CHSY1: variants seen among roughly 807,000 people sequenced by gnomAD.
CHSY1 encodes chondroitin sulfate synthase 1.
Under a neutral mutation model 59.8 loss-of-function variants are expected in CHSY1, and 13 were observed. The ratio of observed to expected loss-of-function variants is 0.22; its 90% CI spans 0.14 to 0.35. The LOEUF is 0.35. CHSY1 is among the 10% of genes least tolerant of loss of function. The pLI, the probability that CHSY1 is intolerant of heterozygous loss-of-function variation, is 1.00. For synonymous variants in CHSY1, 459 were observed against 401.2 expected (o/e 1.14, Z -1.72); for missense variants, 947 against 1,030.6 (o/e 0.92, Z 1.11).
chr15:101,216,156 G>C (rs1345332835), intron 2 of CHSY1, among the ~76,000 whole-genome samples: 5 of 141,284 alleles, frequency 3.5e-5, no homozygotes, highest in East Asian at 2.8e-4. Flanking sequence ...AAGCCATCAA[G>C]AAGGCATTAA....
chr15:101,245,729 A>T (rs112309604), intron 1 of CHSY1, among the ~76,000 whole-genome samples: 9 of 152,354 alleles, frequency 5.9e-5, no homozygotes, highest in African/African-American at 2.2e-4. Flanking sequence ...GAGCGCTTCA[A>T]GATCTTGAAC....
Position 101,177,684 on chromosome 15 carries a change from G to C in CHSY1, c.2113C>G (p.Arg705Gly). The C allele has an allele frequency of 1.9e-6, 3 of 1,614,104 alleles. No individual in the cohort carries two copies. The highest frequency in any genetic ancestry group is 2.5e-6 in the Non-Finnish European group (3 of 1,180,020). Residue 705 changes from arginine to glycine, a missense_variant, in exon 3 of 3, where the codon CGA becomes GGA. Coordinates refer to ENST00000254190, the MANE Select transcript of CHSY1 (RefSeq NM_014918.5). Reference sequence around the variant, plus strand: ...ATGGAAACATCAAAGCCACCCACTCGGACAAGATCTCCCTTATAAATACAC... The same window carrying C: ...ATGGAAACATCAAAGCCACCCACTCCGACAAGATCTCCCTTATAAATACAC... ...ITCIYKGDLV[R>G]VGGFDVSIQG... is the part of the protein sequence containing the mutation.
chr15:101,200,784 C>A (rs2038565678), intron 2 of CHSY1, among the ~76,000 whole-genome samples: 1 of 152,144 alleles, frequency 6.6e-6, no homozygotes. Flanking sequence ...TCGGGGTGGT[C>A]TTTCAATATG....
At chr15:101,185,739 A>T (rs2038352728) in intron 2 of CHSY1, among the ~76,000 whole-genome samples, 1 of 129,176 alleles carries the variant, frequency 7.7e-6, no homozygotes, top group African/African-American at 3.0e-5. Context: ...CCAAGTTTCC[A>T]GTTTCTCTGC....
At chr15:101,191,103 C>T (rs894350493) in intron 2 of CHSY1, among the ~76,000 whole-genome samples, 12 of 152,222 alleles carry the variant, frequency 7.9e-5, no homozygotes, top group African/African-American at 2.4e-4. Context: ...AGTGTCCACA[C>T]AAAAATCTGC....
intron 2 of CHSY1, among the ~76,000 whole-genome samples, chr15:101,225,801 C>T (rs1349819200): frequency 2.0e-5 from 3 of 152,224 alleles, no homozygotes; most frequent in Non-Finnish European, 4.4e-5. Flanking sequence ...TGAGAACGGA[C>T]TAACACGCCA....
intron 2 of CHSY1, among the ~76,000 whole-genome samples, chr15:101,232,785 C>T (rs77769133): frequency 0.016 from 2,371 of 152,320 alleles, 53 homozygotes; most frequent in African/African-American, 0.053. Context: ...GCCAAGACTA[C>T]GAACAGGCAA....
chr15:101,241,909 G>A (rs2039006541), intron 1 of CHSY1, among the ~76,000 whole-genome samples: 1 of 152,160 alleles, frequency 6.6e-6, no homozygotes, highest in Non-Finnish European at 1.5e-5. Context: ...ATAAAATGGT[G>A]CAGTATTTGC....
chr15:101,176,622 C>T lies in CHSY1; in HGVS notation c.*766G>A, dbSNP rs576716148. On this transcript the variant is annotated 3_prime_UTR_variant, in exon 3 of 3. Transcript: ENST00000254190. Reference sequence around the variant, plus strand: ...CAGCTGGGCTTGCATGGTGAAACCCCGTCTCTACTAAAAATACAAAAAAAC... The same window carrying T: ...CAGCTGGGCTTGCATGGTGAAACCCTGTCTCTACTAAAAATACAAAAAAAC... The T allele has an allele frequency of 9.0e-5, 34 of 377,858 alleles. No individual in the cohort carries two copies. Among genetic ancestry groups the T allele is most frequent in the South Asian group, 5.9e-4 (4 of 6,772 alleles). 23.4% of individuals were successfully genotyped at this position (377,858 alleles called of 1,614,324 possible).
intron 2 of CHSY1, among the ~76,000 whole-genome samples, chr15:101,223,829 G>A (rs373047743): frequency 1.4e-4 from 21 of 151,356 alleles, no homozygotes; most frequent in East Asian, 7.8e-4. Flanking sequence ...CTCAGGCCTC[G>A]TCTACTACAG....
rs1008672115 is a variant in CHSY1, at chr15:101,182,100, T to C, written c.817-3120A>G. Among the ~76,000 whole-genome samples, 46 of 152,220 alleles carry C rather than the reference T, an allele frequency of 3.0e-4. 1 individual carries two copies. Among genetic ancestry groups the C allele is most frequent in the African/African-American group, 8.9e-4 (37 of 41,454 alleles). ...GTCTGTATCTGAAATGGATGGGCCATTGCAGCTGCAGACCTCAATCTACAG... is the reference window on the plus strand; with the variant it reads ...GTCTGTATCTGAAATGGATGGGCCACTGCAGCTGCAGACCTCAATCTACAG... On this transcript the variant is annotated intron_variant, in intron 2 of 2. Coordinates refer to ENST00000254190, the MANE Select transcript of CHSY1 (RefSeq NM_014918.5).
At chr15:101,205,582 A>G (rs554589799) in intron 2 of CHSY1, among the ~76,000 whole-genome samples, 16 of 152,336 alleles carry the variant, frequency 1.1e-4, no homozygotes, top group Admixed American at 1.0e-3. Flanking sequence ...ACTAACGACT[A>G]TTAGTATTAG....
rs1388660747 is a variant in CHSY1 at position 101,251,995 on chromosome 15, G to A, written c.-539C>T. 2.6e-5 allele frequency: 4 copies of A among 151,044 alleles called. No homozygotes were observed. The East Asian group carries it at 5.8e-4, about 22-fold the overall frequency. 9.4% of individuals were successfully genotyped at this position (151,044 alleles called of 1,614,324 possible). Reference sequence around the variant, plus strand: ...TATGAAGTGGCCCCGCCGGCGGCGAGCCGTGGCCCCTCTCGGGATCCGTCC... The same window carrying A: ...TATGAAGTGGCCCCGCCGGCGGCGAACCGTGGCCCCTCTCGGGATCCGTCC... On this transcript the variant is annotated 5_prime_UTR_variant, in exon 1 of 3. Transcript: ENST00000254190.
rs574166185 is a variant in CHSY1 at position 101,236,204 on chromosome 15, C to A, written c.321-627G>T. The stretch of plus-strand genomic sequence containing the variant: ...GGTAAACATCAAGGAATGCAGGGCA[C>A]GAGAGCGCTGTCATGAGGCGAGGAA... On this transcript the variant is annotated intron_variant, in intron 1 of 2. Transcript: ENST00000254190. Among the ~76,000 whole-genome samples the A allele has an allele frequency of 1.5e-4, 23 of 152,268 alleles. 1 individual carries two copies. The highest frequency in any genetic ancestry group is 1.2e-3 in the East Asian group (6 of 5,184).
chr15:101,222,633 T>C (rs894611536), intron 2 of CHSY1, among the ~76,000 whole-genome samples: 17 of 152,342 alleles, frequency 1.1e-4, no homozygotes, highest in African/African-American at 4.1e-4. Context: ...CTTTCCTTGC[T>C]TTTCCTGACC....
intron 2 of CHSY1, among the ~76,000 whole-genome samples, chr15:101,212,528 G>A (rs956010816): frequency 1.1e-4 from 16 of 152,148 alleles, no homozygotes; most frequent in African/African-American, 3.4e-4. Flanking sequence ...GAGTCCACAC[G>A]TATGATTCCA....
Position 101,251,954 on chromosome 15 carries a change from G to T in CHSY1, c.-498C>A, listed in dbSNP as rs1451680044. 1 of 151,236 alleles carries T rather than the reference G, an allele frequency of 6.6e-6. No individual in the cohort carries two copies. Among genetic ancestry groups the T allele is most frequent in the Non-Finnish European group, 1.5e-5 (1 of 67,832 alleles). 9.4% of individuals were successfully genotyped at this position (151,236 alleles called of 1,614,324 possible). A position where few individuals can be genotyped will look rare whatever the true frequency, so the allele number is the denominator to read the frequency against. ...CGCCATTGCAACAGGAGCCCCTCAC[G>T]TCACGCACGGCGCGTTATGAAGTGG... On this transcript the variant is annotated 5_prime_UTR_variant, in exon 1 of 3. Transcript: ENST00000254190.
intron 2 of CHSY1, chr15:101,189,371 T>C: frequency 1.2e-6 from 1 of 865,426 alleles, no homozygotes; most frequent in Non-Finnish European, 1.4e-6. Flanking sequence ...TAAGCTCTAG[T>C]CTAGGGGACT....
chr15:101,234,887 G>A (rs2038925751), intron 2 of CHSY1, among the ~76,000 whole-genome samples, 195 bp downstream of exon 2: 1 of 151,902 alleles, frequency 6.6e-6, no homozygotes, highest in African/African-American at 2.4e-5. Context: ...AAGTACAGAA[G>A]ATATGCGCTC....
Sources: allele counts gnomAD v4.1 joint callset (sites outside exome capture counted in the v4.1 genomes callset), GRCh38; gene constraint gnomAD v4.1.1; transcripts MANE v1.5; gene names NCBI Gene and HGNC (gene_info 2026-07-23, HGNC 2026-07-21).